Variants in BYSL observed in about 807,000 individuals in gnomAD.
The protein encoded by BYSL is bystin like.
BYSL carries 21 observed loss-of-function variants against 45.4 expected under a neutral mutation model. The ratio of observed to expected loss-of-function variants is 0.46; its 90% CI spans 0.33 to 0.67. BYSL has a LOEUF of 0.67. BYSL is among the 30% of genes least tolerant of loss of function. The pLI is 0.02. For synonymous variants in BYSL, 215 were observed against 231.3 expected, an observed-to-expected ratio of 0.93 and a Z score of 0.64; for missense variants, 522 against 578.5, an observed-to-expected ratio of 0.90 and a Z score of 1.00.
upstream of BYSL, chr6:41,921,236 C>A: frequency 1.5e-6 from 1 of 658,650 alleles, no homozygotes; most frequent in Non-Finnish European, 2.5e-6. Context: ...TGCGGATTCC[C>A]GCCCCGAGGT....
the BYSL span, among the ~76,000 whole-genome samples, chr6:41,916,337 T>C: frequency 1.8e-3 from 279 of 152,226 alleles, 5 homozygotes; most frequent in East Asian, 0.036. Flanking sequence ...CCCAGCACTT[T>C]GGGAGGCCGA....
the BYSL span, among the ~76,000 whole-genome samples, chr6:41,910,290 A>G: frequency 6.6e-6 from 1 of 152,198 alleles, no homozygotes; most frequent in South Asian, 2.1e-4. Context: ...TCCATAGGCT[A>G]TTTGCAATAA....
the BYSL span, among the ~76,000 whole-genome samples, chr6:41,912,199 CTTTTTTTTT>C: frequency 1.7e-5 from 2 of 119,294 alleles, no homozygotes; most frequent in East Asian, 2.3e-4. Flanking sequence ...CCATGCCCAC[CTTTTTTTTT>C]TTTTTTTTTT....
intron 2 of BYSL, 131 bp downstream of exon 2, chr6:41,927,667 A>G (rs1775582961): frequency 8.6e-7 from 1 of 1,158,690 alleles, no homozygotes; most frequent in Non-Finnish European, 1.2e-6. Flanking sequence ...GACCACCTTG[A>G]CAAAACTGGC....
At chr6:41,909,389 A>G in the BYSL span, 1 of 1,614,212 alleles carries the variant, frequency 6.2e-7, no homozygotes, top group Non-Finnish European at 8.5e-7. Context: ...CACTCTGGAA[A>G]AAGCCCTTGA....
chr6:41,917,912 C>G (rs749393759), upstream of BYSL: 10 of 372,692 alleles, frequency 2.7e-5, no homozygotes, highest in Non-Finnish European at 2.4e-5. Context: ...TGCTATTCAA[C>G]AGCCCTAGGA....
rs186082541 is a variant in BYSL at position 41,926,378 on chromosome 6, C to T, written c.269-996C>T. On this transcript the variant is annotated intron_variant, in intron 1 of 6. Coordinates refer to ENST00000230340, the MANE Select transcript of BYSL (RefSeq NM_004053.4). ...TGAAACTGGGTATAGTAATAGTATCCACTTCTTGGGTTTATTCTTATTTAT... is the reference window on the plus strand; with the variant it reads ...TGAAACTGGGTATAGTAATAGTATCTACTTCTTGGGTTTATTCTTATTTAT... Among the ~76,000 whole-genome samples the T allele has an allele frequency of 3.9e-5, 6 of 152,276 alleles. No homozygotes were observed. The East Asian group carries it at 9.6e-4, about 24-fold the overall frequency.
chr6:41,916,554 T>C (rs1042597866), upstream of BYSL, among the ~76,000 whole-genome samples: 1 of 152,122 alleles, frequency 6.6e-6, no homozygotes, highest in African/African-American at 2.4e-5. Context: ...CACTCCAGCC[T>C]GGGCAACAAG....
chr6:41,920,956 G>A, upstream of BYSL: 1 of 1,594,184 alleles, frequency 6.3e-7, no homozygotes, highest in Non-Finnish European at 8.6e-7. Flanking sequence ...CCTCTTTCCG[G>A]CCTTTCACAA....
At position 41,921,606 on chromosome 6, in the gene BYSL, A is replaced by G. The variant is rs751649565; in HGVS notation, c.44A>G (p.Lys15Arg). 2.9e-5 allele frequency: 46 copies of G among 1,600,784 alleles called. No individual in the cohort carries two copies. Among genetic ancestry groups the G allele is most frequent in the Admixed American group, 2.4e-4 (14 of 58,178 alleles). The change falls in exon 1 of 7, where the codon AAA (lysine) becomes AGA (arginine). Residue 15 changes from lysine (K) to arginine (R), a missense_variant. Physicochemically the swap from Lys to Arg is conservative, Grantham distance 26. Transcript: ENST00000230340. ...GCCCGTGGGGTGGGGGGTCAGGAAA[A>G]ACATGCGCCCCTGGCCGATCAGATC... is the stretch of plus-strand genomic sequence containing the variant. ...KAARGVGGQE[K>R]HAPLADQILA...
chr6:41,913,885 CA>C, the BYSL span, among the ~76,000 whole-genome samples: 2 of 151,966 alleles, frequency 1.3e-5, no homozygotes, highest in African/African-American at 4.8e-5. Flanking sequence ...GCAACAAGAA[CA>C]AAACTCCGTC....
chr6:41,930,620 C>G lies in BYSL; in HGVS notation c.571-15C>G, dbSNP rs1404786533. ...ATGTGGATGACGATGATTGTTTTAC[C>G]TCCCTCATCCCTAGGTATTATCTAA... On this transcript the variant is annotated splice_polypyrimidine_tract_variant and intron_variant, in intron 3 of 6. Transcript: ENST00000230340. The G allele has an allele frequency of 6.3e-7, 1 of 1,595,864 alleles. No individual in the cohort carries two copies. Among genetic ancestry groups the G allele is most frequent in the Admixed American group, 1.8e-5 (1 of 55,488 alleles).
chr6:41,920,185 G>A (rs1418603566), upstream of BYSL, among the ~76,000 whole-genome samples: 4 of 152,074 alleles, frequency 2.6e-5, no homozygotes, highest in Non-Finnish European at 5.9e-5. Flanking sequence ...ATTGAAACTA[G>A]ACCAACCATG....
chr6:41,913,011 G>A, the BYSL span: 1 of 151,896 alleles, frequency 6.6e-6, no homozygotes, highest in Admixed American at 6.6e-5. Flanking sequence ...TTAGGATGCT[G>A]GGGCTGGAGG....
intron 1 of BYSL, among the ~76,000 whole-genome samples, chr6:41,923,735 G>A (rs1775524459): frequency 1.3e-5 from 2 of 151,856 alleles, no homozygotes; most frequent in Non-Finnish European, 2.9e-5. Context: ...GCACCCTGCC[G>A]TGTCTCATAC....
At chr6:41,926,463 A>G (rs1437283190) in intron 1 of BYSL, among the ~76,000 whole-genome samples, 2 of 151,428 alleles carry the variant, frequency 1.3e-5, no homozygotes, top group Non-Finnish European at 2.9e-5. Flanking sequence ...TTTTATATAT[A>G]TTTTTTGAGA....
the BYSL span, among the ~76,000 whole-genome samples, chr6:41,910,849 C>A: frequency 6.6e-6 from 1 of 151,802 alleles, no homozygotes; most frequent in African/African-American, 2.4e-5. Context: ...TGGCTCACAC[C>A]TGTAATCCCA....
At chr6:41,930,086 G>A (rs781614872) in intron 2 of BYSL, 46 bp from the exon 3 acceptor site, 3 of 1,610,428 alleles carry the variant, frequency 1.9e-6, no homozygotes, top group Non-Finnish European at 1.7e-6. Context: ...TGACCACAGT[G>A]CTCCTTGCCC....
chr6:41,927,231 G>A, intron 1 of BYSL, 143 bp from the exon 2 acceptor site: 1 of 907,550 alleles, frequency 1.1e-6, no homozygotes, highest in Non-Finnish European at 1.6e-6. Flanking sequence ...GGGACAGGGA[G>A]CTAATGCATT....
Sources: allele counts gnomAD v4.1 joint callset (sites outside exome capture counted in the v4.1 genomes callset), GRCh38; gene constraint gnomAD v4.1.1; transcripts MANE v1.5; gene names NCBI Gene and HGNC (gene_info 2026-07-23, HGNC 2026-07-21).